The following DACH2 variants were observed in gnomAD, a reference collection of about 807,000 sequenced individuals.
DACH2 encodes the protein dachshund family transcription factor 2.
DACH2 carries 17 observed loss-of-function variants against 35.8 expected under a neutral mutation model. That is an observed-to-expected ratio of 0.48 (90% confidence interval 0.33 to 0.71). The LOEUF (loss-of-function observed/expected upper bound fraction) is 0.71. Among genes scored for constraint, DACH2 ranks in the 30% least tolerant of loss-of-function variants. The pLI is 0.02. For synonymous variants in DACH2, 195 were observed against 177.3 expected (o/e 1.10, Z -0.79); for missense variants, 469 against 472.7 (o/e 0.99, Z 0.07).
At chrX:86,573,633 C>T (rs2039400879) in intron 3 of DACH2, among the ~76,000 whole-genome samples, 2 of 111,676 alleles carry the variant, frequency 1.8e-5, no homozygotes, top group African/African-American at 6.5e-5. Context: ...TTATAAATAC[C>T]TGGACTGAAG....
chrX:86,529,993 A>G (rs1014721042), intron 3 of DACH2, among the ~76,000 whole-genome samples: 1 of 108,848 alleles, frequency 9.2e-6, no homozygotes, highest in East Asian at 2.9e-4. Context: ...ACACACACAC[A>G]CACACACACA....
At chrX:86,625,852 C>T (rs1333064137) in intron 3 of DACH2, among the ~76,000 whole-genome samples, 1 of 111,386 alleles carries the variant, frequency 9.0e-6, no homozygotes, top group African/African-American at 3.3e-5. Context: ...TACCTCCCAC[C>T]AGGTCTTCCC....
intron 3 of DACH2, among the ~76,000 whole-genome samples, chrX:86,527,337 T>C (rs1177576362): frequency 8.9e-6 from 1 of 111,791 alleles, no homozygotes; most frequent in African/African-American, 3.2e-5. Context: ...AACCTTTCTA[T>C]TACTACACCC....
intron 1 of DACH2, among the ~76,000 whole-genome samples, chrX:86,310,681 G>T (rs1338054477): frequency 9.0e-6 from 1 of 111,610 alleles, no homozygotes; most frequent in African/African-American, 3.3e-5. Flanking sequence ...GGTTTGGCTG[G>T]ATGGTCAGGG....
chrX:86,589,785 A>T (rs990296128), intron 3 of DACH2, among the ~76,000 whole-genome samples: 2 of 111,747 alleles, frequency 1.8e-5, no homozygotes, highest in Non-Finnish European at 3.8e-5. Flanking sequence ...GGAGTTTTAC[A>T]GTATGTAGCA....
intron 4 of DACH2, among the ~76,000 whole-genome samples, chrX:86,671,565 C>T (rs868039046): frequency 1.6e-4 from 18 of 111,567 alleles, no homozygotes; most frequent in African/African-American, 5.9e-4. Context: ...CCTCCTGTTC[C>T]AGCCATGTAT....
At chrX:86,334,047 G>T (rs1488863217) in intron 1 of DACH2, among the ~76,000 whole-genome samples, 1 of 111,537 alleles carries the variant, frequency 9.0e-6, no homozygotes, top group African/African-American at 3.3e-5. Flanking sequence ...GAGAATGATG[G>T]TTTCGAGTTT....
At chrX:86,458,684 T>G (rs2037516602) in intron 2 of DACH2, among the ~76,000 whole-genome samples, 3 of 111,772 alleles carry the variant, frequency 2.7e-5, no homozygotes, top group Non-Finnish European at 1.9e-5. Context: ...ACCAAATAAT[T>G]TATAATGAAA....
In DACH2 at chrX:86,183,149, C is replaced by G. The variant is rs1449286670; in HGVS notation, c.488+34041C>G. ...CAGAGACAATTTGACTTCTTCTCTT[C>G]CTATTTGAATCCCCTTTATTTCTTT... is the stretch of plus-strand genomic sequence containing the variant. On this transcript the variant is annotated intron_variant, in intron 1 of 11. Coordinates refer to ENST00000373125, the MANE Select transcript of DACH2 (RefSeq NM_053281.3). Among the ~76,000 whole-genome samples the G allele has an allele frequency of 2.7e-5, 3 of 111,681 alleles. No individual in the cohort carries two copies. In the Admixed American group the frequency reaches 2.9e-4, roughly 11 times the overall value.
chrX:86,726,940 T>A (rs1264538883), intron 6 of DACH2, among the ~76,000 whole-genome samples: 1 of 112,323 alleles, frequency 8.9e-6, no homozygotes, highest in East Asian at 2.8e-4. Context: ...TAGTTTTCTC[T>A]TTTAGAAAGT....
intron 2 of DACH2, among the ~76,000 whole-genome samples, chrX:86,467,294 C>G (rs915033451): frequency 1.8e-5 from 2 of 111,294 alleles, no homozygotes; most frequent in African/African-American, 6.5e-5. Flanking sequence ...ATATCTAGGG[C>G]AGGGGCAACA....
intron 7 of DACH2, among the ~76,000 whole-genome samples, chrX:86,758,202 C>A (rs191448332): frequency 0.031 from 3,502 of 111,435 alleles, 84 homozygotes; most frequent in East Asian, 0.13. Flanking sequence ...TTTCAAAAAA[C>A]CAACTATGTG....
intron 1 of DACH2, among the ~76,000 whole-genome samples, chrX:86,301,900 A>G (rs2034583259): frequency 1.8e-5 from 2 of 111,282 alleles, no homozygotes; most frequent in Non-Finnish European, 3.8e-5. Flanking sequence ...CTTTGATTCT[A>G]CTTATATTCT....
intron 3 of DACH2, among the ~76,000 whole-genome samples, chrX:86,619,005 A>G (rs930905592): frequency 8.9e-6 from 1 of 112,121 alleles, no homozygotes; most frequent in African/African-American, 3.2e-5. Context: ...TTTCTCCCAT[A>G]TAGTCCAGCT....
At position 86,656,036 on chromosome X, in the gene DACH2, C is replaced by A. The variant is rs6623753; in HGVS notation, c.772+4869C>A. The stretch of plus-strand genomic sequence containing the variant: ...GAGACCAAGAAATAAAGCTCCCCCC[C>A]CCCACTAATCTGTACATAATGGCCT... On this transcript the variant is annotated intron_variant, in intron 4 of 11. Transcript: ENST00000373125. 6.1e-5 allele frequency among the ~76,000 whole-genome samples: 6 copies of A among 97,884 alleles called. 1 individual carries two copies. The highest frequency in any genetic ancestry group is 1.2e-4 in the African/African-American group (3 of 25,315). The allele number at this position is 97,884 out of a possible 115,157, so 85.0% of individuals were successfully genotyped here.
intron 3 of DACH2, among the ~76,000 whole-genome samples, chrX:86,607,917 C>T (rs1569451660): frequency 1.9e-5 from 2 of 106,660 alleles, no homozygotes; most frequent in African/African-American, 3.4e-5. Flanking sequence ...CTACAAAGGA[C>T]GTGAACTCAT....
chrX:86,484,245 G>C, intron 2 of DACH2, among the ~76,000 whole-genome samples: 1 of 111,685 alleles, frequency 9.0e-6, no homozygotes, highest in Admixed American at 9.6e-5. Flanking sequence ...CTGCTAAACT[G>C]ATTTAGCTGA....
At chrX:86,288,095 G>C (rs2147993205) in intron 1 of DACH2, among the ~76,000 whole-genome samples, 1 of 112,170 alleles carries the variant, frequency 8.9e-6, no homozygotes, top group South Asian at 3.7e-4. Flanking sequence ...TGTGCTTTAG[G>C]GAGCACCCTA....
intron 2 of DACH2, among the ~76,000 whole-genome samples, chrX:86,407,847 T>TA (rs955150567): frequency 6.2e-5 from 7 of 112,370 alleles, no homozygotes; most frequent in Non-Finnish European, 1.3e-4. Flanking sequence ...TTCTTTGACT[T>TA]ACAGTTTCTA....
Sources: gnomAD v4.1 joint callset for allele counts (sites outside exome capture counted in the v4.1 genomes callset) on GRCh38, gnomAD v4.1.1 for gene constraint, MANE v1.5 for transcripts, NCBI Gene and HGNC (gene_info 2026-07-23, HGNC 2026-07-21) for gene names.